The following EPHB1 variants were observed in gnomAD, a reference collection of about 807,000 sequenced individuals.
The protein encoded by EPHB1 is ephrin type-B receptor 1.
In EPHB1, 30 loss-of-function variants were observed where a neutral mutation model predicts 94.4. The ratio of observed to expected loss-of-function variants is 0.32; its 90% confidence interval spans 0.24 to 0.43. EPHB1 has a LOEUF of 0.43. Ranked by LOEUF, EPHB1 falls within the 20% of genes least tolerant of loss-of-function variation. EPHB1 has a pLI of 1.00. For synonymous variants in EPHB1, 522 were observed against 489.1 expected, an observed-to-expected ratio of 1.07 and a Z score of -0.89; for missense variants, 1,055 against 1,308.3, an observed-to-expected ratio of 0.81 and a Z score of 2.99.
intron 6 of EPHB1, among the ~76,000 whole-genome samples, chr3:135,158,957 C>G (rs1282786261): frequency 1.3e-5 from 2 of 152,142 alleles, no homozygotes; most frequent in African/African-American, 2.4e-5. Flanking sequence ...TCTTTCAGAC[C>G]TTGGCAATAT....
chr3:135,001,913 C>G (rs1935199758), intron 3 of EPHB1, among the ~76,000 whole-genome samples: 1 of 152,072 alleles, frequency 6.6e-6, no homozygotes, highest in Non-Finnish European at 1.5e-5. Flanking sequence ...TTTTTGTCAT[C>G]AAAAAGAATG....
chr3:135,068,647 A>ATTTTTTTTTT (rs544925068), intron 3 of EPHB1, among the ~76,000 whole-genome samples: 3 of 141,458 alleles, frequency 2.1e-5, no homozygotes, highest in Non-Finnish European at 3.1e-5. Flanking sequence ...GAAGTTTTTA[A>ATTTTTTTTTT]TTTTTTTTTT....
At chr3:135,132,626 G>A in intron 4 of EPHB1, 88 bp from the exon 5 acceptor site, 1 of 1,227,274 alleles carries the variant, frequency 8.1e-7, no homozygotes, top group South Asian at 1.6e-5. Context: ...CACTGATGAG[G>A]TTGGGAATGC....
chr3:135,144,677 G>A (rs949978931), intron 5 of EPHB1, among the ~76,000 whole-genome samples: 9 of 151,862 alleles, frequency 5.9e-5, no homozygotes, highest in South Asian at 4.2e-4. Context: ...CCTTTGGCAC[G>A]GAACCGAAAC....
intron 3 of EPHB1, among the ~76,000 whole-genome samples, chr3:135,092,998 AC>A (rs940072165): frequency 7.3e-5 from 11 of 151,534 alleles, no homozygotes; most frequent in African/African-American, 1.9e-4. Flanking sequence ...GCTCCTCCAG[AC>A]CCCCTTACAC....
chr3:134,911,759 G>A (rs1438811100), intron 1 of EPHB1, among the ~76,000 whole-genome samples: 9 of 152,324 alleles, frequency 5.9e-5, no homozygotes, highest in Admixed American at 5.9e-4. Context: ...TGGAGCCTCA[G>A]CAGCACCAGT....
chr3:134,868,007 A>C (rs574942670), intron 1 of EPHB1, among the ~76,000 whole-genome samples: 2 of 152,210 alleles, frequency 1.3e-5, no homozygotes, highest in African/African-American at 4.8e-5. Flanking sequence ...GGAGATTTGA[A>C]GAAGGGACTC....
intron 4 of EPHB1, among the ~76,000 whole-genome samples, chr3:135,117,604 GA>G (rs1939768656): frequency 6.6e-6 from 1 of 152,248 alleles, no homozygotes; most frequent in African/African-American, 2.4e-5. Context: ...TTGTCTTCAA[GA>G]GGCTGAAGGA....
In EPHB1 at chr3:135,122,678, G is replaced by A. The variant is rs553138128; in HGVS notation, c.962-10036G>A. Reference sequence around the variant, plus strand: ...ACTTGAGCTCAGGCTAGGTAGAGGGGCTGTCTCTTTTCCCAGAATGTATAA... The same window carrying A: ...ACTTGAGCTCAGGCTAGGTAGAGGGACTGTCTCTTTTCCCAGAATGTATAA... On this transcript the variant is annotated intron_variant, in intron 4 of 15. Transcript: ENST00000398015. 3.9e-5 allele frequency among the ~76,000 whole-genome samples: 6 copies of A among 152,268 alleles called. No homozygotes were observed. In the South Asian group the frequency reaches 1.0e-3, roughly 26 times the overall value.
At chr3:134,872,044 T>C (rs1378539474) in intron 1 of EPHB1, among the ~76,000 whole-genome samples, 2 of 152,216 alleles carry the variant, frequency 1.3e-5, no homozygotes, top group Non-Finnish European at 2.9e-5. Flanking sequence ...CTTGCTCCCC[T>C]GTAGAGGGGA....
intron 1 of EPHB1, among the ~76,000 whole-genome samples, chr3:134,876,012 T>C (rs1578161140): frequency 1.3e-5 from 2 of 152,322 alleles, no homozygotes; most frequent in South Asian, 4.1e-4. Context: ...ATGGGAAATA[T>C]GCACTGAGTC....
At chr3:135,217,476 G>GAGA (rs1279051102) in intron 12 of EPHB1, among the ~76,000 whole-genome samples, 1 of 146,712 alleles carries the variant, frequency 6.8e-6, no homozygotes, top group African/African-American at 2.5e-5. Flanking sequence ...ACGCACACGG[G>GAGA]GAGAGAGAGA....
At chr3:134,878,000 G>C (rs925719718) in intron 1 of EPHB1, among the ~76,000 whole-genome samples, 1 of 152,208 alleles carries the variant, frequency 6.6e-6, no homozygotes, top group Admixed American at 6.5e-5. Flanking sequence ...TGAGGGAAGG[G>C]TGGCTCCTCC....
At chr3:134,968,715 A>G (rs916526528) in intron 3 of EPHB1, among the ~76,000 whole-genome samples, 5 of 152,146 alleles carry the variant, frequency 3.3e-5, no homozygotes, top group African/African-American at 9.7e-5. Flanking sequence ...CTACCCCTCT[A>G]TAGTCTCCTG....
At chr3:135,134,457 T>C (rs560686929) in intron 5 of EPHB1, among the ~76,000 whole-genome samples, 6 of 152,266 alleles carry the variant, frequency 3.9e-5, no homozygotes, top group Admixed American at 3.9e-4. Flanking sequence ...AGCATGTCTG[T>C]CCAGATGGCT....
At chr3:135,116,966 C>A (rs930406653) in intron 4 of EPHB1, among the ~76,000 whole-genome samples, 1 of 152,216 alleles carries the variant, frequency 6.6e-6, no homozygotes, top group African/African-American at 2.4e-5. Context: ...CAGACCCACA[C>A]ACATCACTGA....
At chr3:135,044,075 A>G (rs1400445141) in intron 3 of EPHB1, among the ~76,000 whole-genome samples, 3 of 152,196 alleles carry the variant, frequency 2.0e-5, no homozygotes, top group South Asian at 2.1e-4. Flanking sequence ...GATTCTAATT[A>G]AAACTAAATT....
intron 1 of EPHB1, among the ~76,000 whole-genome samples, chr3:134,903,100 T>C (rs1340449826): frequency 2.6e-5 from 4 of 152,242 alleles, no homozygotes; most frequent in South Asian, 2.1e-4. Flanking sequence ...CCCATTTGTA[T>C]ATTCGGTATT....
intron 1 of EPHB1, among the ~76,000 whole-genome samples, chr3:134,870,509 G>T (rs1380734441): frequency 6.6e-6 from 1 of 152,220 alleles, no homozygotes; most frequent in Non-Finnish European, 1.5e-5. Flanking sequence ...GGCCAGGAGA[G>T]AACTGATTCT....
Sources: allele counts gnomAD v4.1 joint callset (sites outside exome capture counted in the v4.1 genomes callset), GRCh38; gene constraint gnomAD v4.1.1; transcripts MANE v1.5; gene names NCBI Gene and HGNC (gene_info 2026-07-23, HGNC 2026-07-21).